Variants in SGCZ observed in about 807,000 individuals in gnomAD.
The protein encoded by SGCZ is sarcoglycan zeta, also known as zeta-sarcoglycan.
SGCZ carries 40 observed loss-of-function variants against 41.3 expected under a neutral mutation model. The observed-to-expected ratio is 0.97, with a 90% CI of 0.75 to 1.26. The LOEUF (loss-of-function observed/expected upper bound fraction) is 1.26. SGCZ is among the 50% of genes most tolerant of loss of function. SGCZ has a pLI of 0.00. For synonymous variants in SGCZ, 206 were observed against 137.5 expected, an observed-to-expected ratio of 1.50 and a Z score of -3.49; for missense variants, 552 against 369.8, an observed-to-expected ratio of 1.49 and a Z score of -4.04.
chr8:14,261,102 T>TA (rs67267456), intron 3 of SGCZ, among the ~76,000 whole-genome samples: 92,840 of 150,788 alleles, frequency 0.62, 32,091 homozygotes, highest in Non-Finnish European at 0.79. Context: ...TATAATAAAA[T>TA]AAAAAAAAAG....
rs116082896 is a variant in SGCZ, at chr8:14,634,515, T to C, written c.40-79589A>G. 7.3e-3 allele frequency among the ~76,000 whole-genome samples: 1,108 copies of C among 152,000 alleles called. 19 individuals are homozygous for C. Among genetic ancestry groups the C allele is most frequent in the African/African-American group, 0.025 (1,031 of 41,540 alleles). On this transcript the variant is annotated intron_variant, in intron 1 of 7. Transcript: ENST00000382080. ...CAGAAAAATACTAAAATAAAAATCT[T>C]CTTTTATGATATTAGTGGAAGCCTT... is the stretch of plus-strand genomic sequence containing the variant.
chr8:15,057,755 G>A (rs1252398500), intron 1 of SGCZ, among the ~76,000 whole-genome samples: 1 of 152,160 alleles, frequency 6.6e-6, no homozygotes, highest in African/African-American at 2.4e-5. Flanking sequence ...CTGGGCCTCA[G>A]TTTTTTCACT....
At chr8:15,021,418 A>G (rs1268568125) in intron 1 of SGCZ, among the ~76,000 whole-genome samples, 1 of 152,222 alleles carries the variant, frequency 6.6e-6, no homozygotes, top group Non-Finnish European at 1.5e-5. Context: ...GGCCTCACTT[A>G]CGTGGCTATT....
chr8:14,701,756 C>A (rs1809144832), intron 1 of SGCZ, among the ~76,000 whole-genome samples: 1 of 151,832 alleles, frequency 6.6e-6, no homozygotes, highest in African/African-American at 2.4e-5. Context: ...CACCTCCTGA[C>A]CTCTTACCAA....
At chr8:14,249,246 C>T (rs940044448) in intron 3 of SGCZ, among the ~76,000 whole-genome samples, 1 of 152,128 alleles carries the variant, frequency 6.6e-6, no homozygotes, top group Non-Finnish European at 1.5e-5. Flanking sequence ...TCTTCTCTTG[C>T]TTTTGAATTC....
intron 1 of SGCZ, among the ~76,000 whole-genome samples, chr8:14,651,772 T>A (rs1206452740): frequency 6.6e-6 from 1 of 152,064 alleles, no homozygotes; most frequent in African/African-American, 2.4e-5. Context: ...TTCTACCCCA[T>A]AAAAGATGCC....
At chr8:14,382,750 T>C (rs951866439) in intron 2 of SGCZ, among the ~76,000 whole-genome samples, 2 of 152,232 alleles carry the variant, frequency 1.3e-5, no homozygotes, top group African/African-American at 4.8e-5. Flanking sequence ...GTGATTTTAA[T>C]GAAAGAGTTT....
intron 2 of SGCZ, among the ~76,000 whole-genome samples, chr8:14,475,724 T>C (rs182428128): frequency 1.3e-3 from 191 of 152,244 alleles, no homozygotes; most frequent in Non-Finnish European, 2.3e-3. Context: ...AATTCCAAAT[T>C]AAGGAATTAT....
intron 3 of SGCZ, among the ~76,000 whole-genome samples, chr8:14,289,605 A>T (rs1352711700): frequency 2.6e-5 from 4 of 152,124 alleles, no homozygotes; most frequent in Non-Finnish European, 5.9e-5. Context: ...TTATGCCAGT[A>T]ACATGCTATT....
intron 2 of SGCZ, among the ~76,000 whole-genome samples, chr8:14,523,196 T>C (rs997150359): frequency 3.9e-5 from 6 of 152,036 alleles, no homozygotes; most frequent in African/African-American, 1.4e-4. Flanking sequence ...TAAAATATAA[T>C]TTAGAAAACT....
chr8:14,898,630 T>C (rs565863662), intron 1 of SGCZ, among the ~76,000 whole-genome samples: 1 of 152,216 alleles, frequency 6.6e-6, no homozygotes, highest in East Asian at 1.9e-4. Flanking sequence ...TGAGAATATA[T>C]ATAAGCGAGA....
chr8:15,008,918 T>C (rs933456878), intron 1 of SGCZ, among the ~76,000 whole-genome samples: 2 of 152,134 alleles, frequency 1.3e-5, no homozygotes, highest in Admixed American at 6.5e-5. Context: ...ACTGTCCTCA[T>C]AGTGAGTTGG....
chr8:15,132,175 T>C (rs1196553604), intron 1 of SGCZ, among the ~76,000 whole-genome samples: 1 of 152,210 alleles, frequency 6.6e-6, no homozygotes, highest in African/African-American at 2.4e-5. Context: ...ACATTGCCAT[T>C]TATTTAGCAA....
intron 1 of SGCZ, among the ~76,000 whole-genome samples, chr8:15,116,872 G>A (rs190926287): frequency 1.1e-4 from 17 of 152,180 alleles, no homozygotes; most frequent in Admixed American, 2.6e-4. Context: ...CGGTGTTCTA[G>A]AAATGGTTCA....
intron 1 of SGCZ, among the ~76,000 whole-genome samples, chr8:14,738,283 T>C (rs1239051251): frequency 6.6e-6 from 1 of 152,086 alleles, no homozygotes; most frequent in Non-Finnish European, 1.5e-5. Flanking sequence ...TTCTCCCCTC[T>C]TGTACAGCCT....
intron 1 of SGCZ, among the ~76,000 whole-genome samples, chr8:14,768,282 T>C (rs558785904): frequency 7.2e-4 from 109 of 152,336 alleles, no homozygotes; most frequent in African/African-American, 2.4e-3. Flanking sequence ...TGTTCTTCCA[T>C]TGACTGAGCT....
intron 1 of SGCZ, among the ~76,000 whole-genome samples, chr8:14,741,412 C>A (rs1799194670): frequency 6.6e-6 from 1 of 152,036 alleles, no homozygotes; most frequent in South Asian, 2.1e-4. Context: ...CCATTCTATC[C>A]TTTCTCTCTT....
At chr8:15,183,246 T>C (rs558414607) in intron 1 of SGCZ, among the ~76,000 whole-genome samples, 108 of 152,376 alleles carry the variant, frequency 7.1e-4, no homozygotes, top group Non-Finnish European at 9.4e-4. Context: ...TCATTTATTA[T>C]CAAGTATTAT....
At chr8:14,817,757 G>A (rs752399258) in intron 1 of SGCZ, among the ~76,000 whole-genome samples, 2 of 152,164 alleles carry the variant, frequency 1.3e-5, no homozygotes, top group Non-Finnish European at 2.9e-5. Context: ...ACTTGCCCAT[G>A]TGCGCTCATT....
Sources: allele counts gnomAD v4.1 joint callset (sites outside exome capture counted in the v4.1 genomes callset), GRCh38; gene constraint gnomAD v4.1.1; transcripts MANE v1.5; gene names NCBI Gene and HGNC (gene_info 2026-07-23, HGNC 2026-07-21).